The following B3GAT1 variants were observed in gnomAD, a reference collection of about 807,000 sequenced individuals.
B3GAT1 encodes beta-1,3-glucuronyltransferase 1.
A neutral mutation model predicts 28.4 loss-of-function variants in B3GAT1; 11 were observed. The observed-to-expected ratio is 0.39, with a 90% CI of 0.24 to 0.64. The LOEUF (loss-of-function observed/expected upper bound fraction) is 0.64, where lower values mean the gene tolerates loss of function less well. B3GAT1 is among the 30% of genes least tolerant of loss of function. B3GAT1 has a pLI of 0.50. For missense variants in B3GAT1, 375 were observed against 491.0 expected (o/e 0.76, Z 2.23); for synonymous variants, 255 against 223.1 (o/e 1.14, Z -1.27).
At position 134,403,563 on chromosome 11, in the gene B3GAT1, C is replaced by T. The variant is rs542137182; in HGVS notation, c.-282+8244G>A. Among the ~76,000 whole-genome samples, 75 of 152,286 alleles carry T rather than the reference C, an allele frequency of 4.9e-4. 1 individual carries two copies. Among genetic ancestry groups the T allele is most frequent in the Admixed American group, 4.2e-3 (64 of 15,298 alleles). On this transcript the variant is annotated intron_variant, in intron 1 of 5. Coordinates refer to ENST00000312527, the MANE Select transcript of B3GAT1 (RefSeq NM_054025.3). ...CTCCCATGACACTGTGACATAGCTT[C>T]CCTCTGGGCAGAAGTATTTGCTGGG...
intron 3 of B3GAT1, 114 bp downstream of exon 3, chr11:134,383,566 C>G: frequency 1.5e-6 from 2 of 1,366,382 alleles, no homozygotes; most frequent in Non-Finnish European, 1.9e-6. Flanking sequence ...CGCTCCCAGC[C>G]CGGCTTCCCG....
chr11:134,407,667 G>A (rs1369683579), intron 1 of B3GAT1, among the ~76,000 whole-genome samples: 1 of 152,202 alleles, frequency 6.6e-6, no homozygotes, highest in African/African-American at 2.4e-5. Flanking sequence ...TGTGTGCGCA[G>A]GGAGCGCAGG....
At chr11:134,380,986 T>C (rs1409479743) in intron 5 of B3GAT1, among the ~76,000 whole-genome samples, 2 of 152,196 alleles carry the variant, frequency 1.3e-5, no homozygotes, top group African/African-American at 4.8e-5. Flanking sequence ...AGTGACACCC[T>C]GTGGTCCTCT....
chr11:134,391,899 G>T (rs1944417967), intron 1 of B3GAT1: 1 of 152,450 alleles, frequency 6.6e-6, no homozygotes, highest in African/African-American at 2.4e-5. Context: ...AGAGTGGAGG[G>T]TGGTTCCCAG....
In B3GAT1 at chr11:134,379,405, G is replaced by A. The variant is rs1469761414; in HGVS notation, c.*1357C>T. The stretch of plus-strand genomic sequence containing the variant: ...TTCCAACTTGCAGGAGAATGAGCCG[G>A]ATCACCACTAGAGAGCCCGGCTGGG... On this transcript the variant is annotated 3_prime_UTR_variant, in exon 6 of 6. Transcript: ENST00000312527. The A allele has an allele frequency of 6.6e-6, 1 of 152,460 alleles. No individual in the cohort carries two copies. The highest frequency in any genetic ancestry group is 1.5e-5 in the Non-Finnish European group (1 of 68,030). The allele number at this position is 152,460 out of a possible 1,614,324, so 9.4% of individuals were successfully genotyped here.
At position 134,411,006 on chromosome 11, in the gene B3GAT1, G is replaced by A. The variant is rs991539957; in HGVS notation, c.-282+801C>T. On this transcript the variant is annotated intron_variant, in intron 1 of 5. Transcript: ENST00000312527. The surrounding 1 kb of genome is among the most constrained non-coding windows in gnomAD (Gnocchi z 6.0). ...ATGCAGCTAGGCCTGGCTGGGGGAG[G>A]AAGGGGACAGGGAAGTTGGCCAAGG... 2.0e-5 allele frequency among the ~76,000 whole-genome samples: 3 copies of A among 152,244 alleles called. No homozygotes were observed. Among genetic ancestry groups the A allele is most frequent in the African/African-American group, 4.8e-5 (2 of 41,460 alleles).
At chr11:134,383,504 G>C (rs1278033237) in intron 3 of B3GAT1, among the ~76,000 whole-genome samples, 176 bp downstream of exon 3, 3 of 152,210 alleles carry the variant, frequency 2.0e-5, no homozygotes, top group Admixed American at 6.5e-5. Flanking sequence ...ACTTGTGGGG[G>C]ATGCTTTAGC....
chr11:134,402,290 T>A lies in B3GAT1; in HGVS notation c.-282+9517A>T, dbSNP rs1209456030. Among the ~76,000 whole-genome samples the A allele has an allele frequency of 3.3e-5, 5 of 152,150 alleles. No individual in the cohort carries two copies. The East Asian group carries it at 9.6e-4, about 29-fold the overall frequency. ...CCCGTCACCCTGCCCAGTCTGGTCCTGTGTCTCTGCCCAGCTTCCCAGAAA... is the reference window on the plus strand; with the variant it reads ...CCCGTCACCCTGCCCAGTCTGGTCCAGTGTCTCTGCCCAGCTTCCCAGAAA... On this transcript the variant is annotated intron_variant, in intron 1 of 5. Coordinates refer to ENST00000312527, the MANE Select transcript of B3GAT1 (RefSeq NM_054025.3).
At position 134,411,245 on chromosome 11, in the gene B3GAT1, T is replaced by C. The variant is rs959231331; in HGVS notation, c.-282+562A>G. ...AGGTGCAGATGGGAGGGTGGTGAAC[T>C]GGTCGCGCCTCCTTCCTCCTTGCTA... On this transcript the variant is annotated intron_variant, in intron 1 of 5. Transcript: ENST00000312527. The surrounding 1 kb of genome is among the most constrained non-coding windows in gnomAD (Gnocchi z 6.0). 6.6e-6 allele frequency among the ~76,000 whole-genome samples: 1 copy of C among 152,154 alleles called. No homozygotes were observed. The highest frequency in any genetic ancestry group is 1.5e-5 in the Non-Finnish European group (1 of 68,028).
chr11:134,394,916 TA>T (rs1297613817), intron 1 of B3GAT1, among the ~76,000 whole-genome samples: 10 of 152,186 alleles, frequency 6.6e-5, no homozygotes, highest in African/African-American at 2.4e-4. Context: ...TTTTCAGAAA[TA>T]GTCTTTGGCT....
intron 1 of B3GAT1, chr11:134,388,980 G>C (rs189680910): frequency 6.6e-6 from 1 of 152,352 alleles, no homozygotes; most frequent in African/African-American, 2.4e-5. Flanking sequence ...CCAGTAATGG[G>C]ACTGCTGGCT....
chr11:134,383,676 T>G lies in B3GAT1; in HGVS notation c.621+4A>C. 1 of 1,560,218 alleles carries G rather than the reference T, an allele frequency of 6.4e-7. No homozygotes were observed. Among genetic ancestry groups the G allele is most frequent in the Non-Finnish European group, 8.7e-7 (1 of 1,148,556 alleles). On this transcript the variant is annotated splice_donor_region_variant and intron_variant, in intron 3 of 5. Coordinates refer to ENST00000312527, the MANE Select transcript of B3GAT1 (RefSeq NM_054025.3). ...CCGCTGCTCACTGTCGGGCCCTCCC[T>G]CACCTCTTCGAAGAGCTCCAGGCTG...
At chr11:134,407,457 G>A (rs574487951) in intron 1 of B3GAT1, among the ~76,000 whole-genome samples, 15 of 152,214 alleles carry the variant, frequency 9.9e-5, no homozygotes, top group South Asian at 6.2e-4. Context: ...CATTTCCCAC[G>A]TATGAGAAGA....
intron 1 of B3GAT1, among the ~76,000 whole-genome samples, chr11:134,396,924 C>T (rs1944515195): frequency 6.6e-6 from 1 of 152,218 alleles, no homozygotes; most frequent in African/African-American, 2.4e-5. Context: ...CCCTTGGCCT[C>T]AGCTTCCCCA....
Position 134,393,770 on chromosome 11 carries a change from C to T in B3GAT1, c.-281-5830G>A, listed in dbSNP as rs1035727202. 1.3e-5 allele frequency among the ~76,000 whole-genome samples: 2 copies of T among 152,122 alleles called. No individual in the cohort carries two copies. Among genetic ancestry groups the T allele is most frequent in the Admixed American group, 6.5e-5 (1 of 15,272 alleles). ...AGCAGAGGGAGCCCCAGGCATCACA[C>T]GGCGCCGGTCAGTGTGCTGTGCGGA... On this transcript the variant is annotated intron_variant, in intron 1 of 5. Transcript: ENST00000312527. The surrounding 1 kb of genome is among the most constrained non-coding windows in gnomAD (Gnocchi z 4.0).
intron 1 of B3GAT1, chr11:134,388,779 C>T (rs57662228): frequency 0.061 from 9,316 of 152,244 alleles, 948 homozygotes; most frequent in African/African-American, 0.21. Context: ...CTGCAAAGGC[C>T]ATGATTTTGT....
intron 1 of B3GAT1, among the ~76,000 whole-genome samples, chr11:134,400,148 A>T (rs181281186): frequency 1.3e-5 from 2 of 152,054 alleles, no homozygotes; most frequent in African/African-American, 4.8e-5. Flanking sequence ...CCCACTCTGA[A>T]GCCTTCCCTG....
chr11:134,381,565 T>G (rs1322591389), intron 5 of B3GAT1: 1 of 236,722 alleles, frequency 4.2e-6, no homozygotes, highest in Non-Finnish European at 8.4e-6. Flanking sequence ...GGTGAAGGAA[T>G]CCACAGGGGA....
intron 1 of B3GAT1, chr11:134,388,451 C>T (rs1232445343): frequency 6.4e-6 from 1 of 156,070 alleles, no homozygotes; most frequent in African/African-American, 2.4e-5. Context: ...CATATATGGA[C>T]CACGAATTAT....
Sources: allele counts gnomAD v4.1 joint callset (sites outside exome capture counted in the v4.1 genomes callset), GRCh38; gene constraint gnomAD v4.1.1; non-coding constraint Gnocchi (gnomAD v3.1); transcripts MANE v1.5; gene names NCBI Gene and HGNC (gene_info 2026-07-23, HGNC 2026-07-21).